Variants in CEP112 observed in about 807,000 individuals in gnomAD.
CEP112 encodes centrosomal protein of 112 kDa.
Under a neutral mutation model 153.0 loss-of-function variants are expected in CEP112, and 127 were observed. The observed-to-expected ratio is 0.83, with a 90% CI of 0.72 to 0.96. CEP112 has a LOEUF of 0.96. Among genes scored for constraint, CEP112 ranks in the 40% least tolerant of loss-of-function variants. CEP112 has a pLI of 0.00. For synonymous variants in CEP112, 358 were observed against 374.4 expected, an observed-to-expected ratio of 0.96 and a Z score of 0.51; for missense variants, 1,089 against 1,101.2, an observed-to-expected ratio of 0.99 and a Z score of 0.16.
chr17:66,180,999 GAAGAA>G (rs1410975122), intron 2 of CEP112, among the ~76,000 whole-genome samples: 2 of 152,044 alleles, frequency 1.3e-5, no homozygotes, highest in African/African-American at 2.4e-5. Flanking sequence ...CTTTGAACAA[GAAGAA>G]AATACAAAAG....
chr17:65,700,181 C>T (rs1328522121), intron 23 of CEP112, among the ~76,000 whole-genome samples: 2 of 151,754 alleles, frequency 1.3e-5, no homozygotes, highest in Non-Finnish European at 3.0e-5. Flanking sequence ...AGCCTTCTTT[C>T]TATACACTGT....
intron 20 of CEP112, among the ~76,000 whole-genome samples, chr17:65,864,057 C>T (rs907971492): frequency 9.3e-5 from 14 of 151,294 alleles, no homozygotes; most frequent in Admixed American, 9.2e-4. Flanking sequence ...AGGAGAATCG[C>T]TTGAACCCGG....
chr17:66,154,648 A>T (rs116987478), intron 4 of CEP112, among the ~76,000 whole-genome samples: 5,189 of 152,314 alleles, frequency 0.034, 132 homozygotes, highest in Middle Eastern at 0.061. Flanking sequence ...CACATACCTA[A>T]ATGAGAAAGG....
At chr17:65,703,157 G>A (rs1329582900) in intron 23 of CEP112, among the ~76,000 whole-genome samples, 4 of 152,164 alleles carry the variant, frequency 2.6e-5, no homozygotes, top group Non-Finnish European at 4.4e-5. Flanking sequence ...GGTCCAATAT[G>A]CAGGCACTGT....
intron 2 of CEP112, 83 bp downstream of exon 2, chr17:66,183,111 C>T: frequency 1.1e-6 from 1 of 939,288 alleles, no homozygotes; most frequent in South Asian, 1.9e-5. Context: ...GTTTTTCTTC[C>T]ATGTTGATAG....
chr17:65,972,215 G>C (rs1015597632), intron 17 of CEP112, among the ~76,000 whole-genome samples: 2 of 152,158 alleles, frequency 1.3e-5, no homozygotes, highest in Non-Finnish European at 2.9e-5. Flanking sequence ...TGTGATCATT[G>C]TGAAATTAAA....
chr17:66,046,286 C>A (rs1432560683), intron 12 of CEP112, among the ~76,000 whole-genome samples: 2 of 152,140 alleles, frequency 1.3e-5, no homozygotes, highest in African/African-American at 2.4e-5. Flanking sequence ...TTGTGATCTG[C>A]CCGCCTCGGC....
chr17:66,114,244 T>C (rs1163985342), intron 6 of CEP112, among the ~76,000 whole-genome samples: 2 of 152,244 alleles, frequency 1.3e-5, no homozygotes, highest in African/African-American at 4.8e-5. Context: ...GAATACTTTT[T>C]AATGAAAACT....
chr17:65,828,340 C>T (rs1311420048), intron 21 of CEP112, among the ~76,000 whole-genome samples: 1 of 152,216 alleles, frequency 6.6e-6, no homozygotes, highest in Non-Finnish European at 1.5e-5. Context: ...ATGATATGCA[C>T]AACTTCCATG....
At chr17:65,700,800 A>G (rs2048593039) in intron 23 of CEP112, among the ~76,000 whole-genome samples, 1 of 152,142 alleles carries the variant, frequency 6.6e-6, no homozygotes. Context: ...CAGTTAACAG[A>G]GTCTTGGCAA....
At chr17:66,176,663 G>A (rs1307208852) in intron 3 of CEP112, 167 bp downstream of exon 3, 7 of 466,302 alleles carry the variant, frequency 1.5e-5, no homozygotes, top group Admixed American at 3.9e-5. Context: ...AGCAATACAT[G>A]TATTTTATTA....
chr17:65,848,887 C>G (rs1458375379), intron 21 of CEP112, among the ~76,000 whole-genome samples: 1 of 152,168 alleles, frequency 6.6e-6, no homozygotes, highest in African/African-American at 2.4e-5. Flanking sequence ...TGCCTTCTCA[C>G]GCACATCTGC....
At chr17:66,027,615 AAAATTAGCAACCTAATT>A in intron 15 of CEP112, 55 bp from the exon 16 acceptor site, 1 of 1,078,324 alleles carries the variant, frequency 9.3e-7, no homozygotes, top group African/African-American at 1.7e-5. Flanking sequence ...TAGAGTCAAT[AAAATTAGCAACCTAATT>A]AAATCAATCA....
chr17:66,024,928 G>T (rs2065138815), intron 16 of CEP112, among the ~76,000 whole-genome samples: 1 of 151,988 alleles, frequency 6.6e-6, no homozygotes, highest in South Asian at 2.1e-4. Flanking sequence ...AAACAGCATG[G>T]AACTGGCATA....
intron 21 of CEP112, among the ~76,000 whole-genome samples, chr17:65,779,704 T>C (rs998564318): frequency 2.6e-5 from 4 of 152,174 alleles, no homozygotes; most frequent in African/African-American, 9.7e-5. Flanking sequence ...AAACAGAAGC[T>C]AATAATTAGG....
chr17:65,745,216 T>C (rs886980188), intron 22 of CEP112, among the ~76,000 whole-genome samples: 2 of 152,234 alleles, frequency 1.3e-5, no homozygotes, highest in African/African-American at 4.8e-5. Flanking sequence ...ATTTAGCCGA[T>C]TGTGAAATGA....
At chr17:66,066,684 T>C in intron 10 of CEP112, 94 bp downstream of exon 10, 1 of 817,404 alleles carries the variant, frequency 1.2e-6, no homozygotes, top group Non-Finnish European at 1.8e-6. Context: ...TCCTATCTCA[T>C]ACTATAAAAG....
intron 4 of CEP112, among the ~76,000 whole-genome samples, chr17:66,171,869 CAG>C (rs1316725102): frequency 1.3e-5 from 2 of 152,194 alleles, no homozygotes; most frequent in East Asian, 3.8e-4. Flanking sequence ...TGACATTTGA[CAG>C]AGGATATTTT....
At chr17:66,115,671 T>C (rs1598381566) in intron 6 of CEP112, among the ~76,000 whole-genome samples, 1 of 152,202 alleles carries the variant, frequency 6.6e-6, no homozygotes, top group South Asian at 2.1e-4. Flanking sequence ...CCTTTATTTC[T>C]CCCTAGTTCC....
Sources: allele counts gnomAD v4.1 joint callset (sites outside exome capture counted in the v4.1 genomes callset), GRCh38; gene constraint gnomAD v4.1.1; transcripts MANE v1.5; gene names NCBI Gene and HGNC (gene_info 2026-07-23, HGNC 2026-07-21).